Variants in KIAA1671 observed in about 807,000 individuals in gnomAD.
KIAA1671 encodes uncharacterized protein KIAA1671.
KIAA1671 carries 52 observed loss-of-function variants against 131.2 expected under a neutral mutation model. The ratio of observed to expected loss-of-function variants is 0.40; its 90% CI spans 0.32 to 0.50. The LOEUF is 0.50. Among genes scored for constraint, KIAA1671 ranks in the 20% least tolerant of loss-of-function variants. KIAA1671 has a pLI of 0.73. For missense variants in KIAA1671, 2,360 were observed against 2,364.2 expected (o/e 1.00, Z 0.04); for synonymous variants, 1,003 against 961.6 (o/e 1.04, Z -0.80).
intron 6 of KIAA1671, chr22:25,061,340 C>T (rs1032116709): frequency 2.6e-5 from 4 of 152,194 alleles, no homozygotes; most frequent in African/African-American, 9.7e-5. Context: ...CTCCAAGAAG[C>T]CCTCCTGGGT....
At chr22:25,169,762 T>TGC (rs1033625122) in intron 6 of KIAA1671, among the ~76,000 whole-genome samples, 3 of 151,450 alleles carry the variant, frequency 2.0e-5, no homozygotes, top group African/African-American at 7.4e-5. Context: ...GCTCCCTGCG[T>TGC]GCCCTCTCTG....
chr22:24,996,505 C>T (rs1416754604), intron 1 of KIAA1671, among the ~76,000 whole-genome samples: 2 of 152,006 alleles, frequency 1.3e-5, no homozygotes, highest in Non-Finnish European at 2.9e-5. Flanking sequence ...GCCTTAAGTT[C>T]TGTCTTATGT....
rs1934723119 is a variant in KIAA1671, at chr22:25,193,149, G to A, written c.*748G>A. The stretch of plus-strand genomic sequence containing the variant: ...ATATATGTGTTTACGTTAAAGGACA[G>A]GAGGAAAGATGTGCGAATAATTTGT... On this transcript the variant is annotated 3_prime_UTR_variant, in exon 13 of 13. Transcript: ENST00000358431. 6.6e-6 allele frequency: 1 copy of A among 152,170 alleles called. No individual in the cohort carries two copies. The highest frequency in any genetic ancestry group is 1.5e-5 in the Non-Finnish European group (1 of 68,036). The allele number at this position is 152,170 out of a possible 1,614,324, so 9.4% of individuals were successfully genotyped here.
intron 1 of KIAA1671, among the ~76,000 whole-genome samples, chr22:24,978,811 A>G (rs1240064886): frequency 6.7e-6 from 1 of 149,890 alleles, no homozygotes; most frequent in East Asian, 2.0e-4. Flanking sequence ...AGCCTCCTGA[A>G]TAGCTGGGAC....
intron 6 of KIAA1671, among the ~76,000 whole-genome samples, chr22:25,075,606 C>T (rs1929061397): frequency 6.6e-6 from 1 of 151,530 alleles, no homozygotes; most frequent in South Asian, 2.1e-4. Flanking sequence ...ATTCTCCTGC[C>T]TCAGCCTCCC....
intron 6 of KIAA1671, chr22:25,061,735 T>G (rs184903351): frequency 3.5e-4 from 53 of 152,436 alleles, no homozygotes; most frequent in African/African-American, 1.3e-3. Flanking sequence ...CCTACCTGAG[T>G]GCAGATCCCT....
At chr22:24,991,686 C>A (rs1923849826) in intron 1 of KIAA1671, among the ~76,000 whole-genome samples, 1 of 147,390 alleles carries the variant, frequency 6.8e-6, no homozygotes, top group African/African-American at 2.5e-5. Flanking sequence ...TGGTCACGAT[C>A]TCCTGACCTC....
intron 6 of KIAA1671, among the ~76,000 whole-genome samples, chr22:25,145,048 C>G (rs905911836): frequency 3.9e-5 from 6 of 152,208 alleles, no homozygotes; most frequent in Non-Finnish European, 7.3e-5. Context: ...ACATCTTTGT[C>G]CAGGTGCTGT....
intron 1 of KIAA1671, among the ~76,000 whole-genome samples, chr22:25,006,580 A>G (rs1413000809): frequency 6.6e-6 from 1 of 152,084 alleles, no homozygotes; most frequent in African/African-American, 2.4e-5. Context: ...TTCTCTCCCC[A>G]GGCAAGTTAA....
chr22:25,101,996 A>C (rs923760353), intron 6 of KIAA1671, among the ~76,000 whole-genome samples: 4 of 152,108 alleles, frequency 2.6e-5, no homozygotes, highest in Non-Finnish European at 5.9e-5. Context: ...CAGAGGCGGG[A>C]GTATCTAAGC....
chr22:25,110,640 C>T (rs1358476940), intron 6 of KIAA1671, among the ~76,000 whole-genome samples: 1 of 152,206 alleles, frequency 6.6e-6, no homozygotes, highest in African/African-American at 2.4e-5. Context: ...CCCCTTCTAA[C>T]AACCCCTGAC....
chr22:25,008,055 G>A (rs546421597), intron 1 of KIAA1671, among the ~76,000 whole-genome samples: 8 of 151,808 alleles, frequency 5.3e-5, no homozygotes, highest in Non-Finnish European at 1.2e-4. Context: ...AAAATTAGCC[G>A]GGCGTGGTGG....
At chr22:25,155,943 TA>T (rs2145985281) in intron 6 of KIAA1671, among the ~76,000 whole-genome samples, 1 of 134,606 alleles carries the variant, frequency 7.4e-6, no homozygotes, top group South Asian at 2.6e-4. Context: ...TAAATATATA[TA>T]AATACACACA....
At chr22:25,098,472 G>A (rs139742743) in intron 6 of KIAA1671, among the ~76,000 whole-genome samples, 3 of 152,278 alleles carry the variant, frequency 2.0e-5, no homozygotes, top group Middle Eastern at 3.4e-3. Context: ...TAAACAATTA[G>A]GGAAATACCA....
chr22:24,999,235 C>CAGAG (rs35382875), intron 1 of KIAA1671, among the ~76,000 whole-genome samples: 67 of 150,454 alleles, frequency 4.5e-4, no homozygotes, highest in African/African-American at 1.5e-3. Context: ...GTATAGTATA[C>CAGAG]AGAGAGAGAG....
intron 6 of KIAA1671, among the ~76,000 whole-genome samples, chr22:25,146,642 A>G (rs1932883937): frequency 6.6e-6 from 1 of 152,144 alleles, no homozygotes; most frequent in Admixed American, 6.5e-5. Context: ...TTCCCTTTGA[A>G]CTTCAGTTTC....
chr22:25,122,511 G>A (rs756416992), intron 6 of KIAA1671, among the ~76,000 whole-genome samples: 10 of 152,222 alleles, frequency 6.6e-5, no homozygotes, highest in Non-Finnish European at 1.3e-4. Flanking sequence ...CTCTCTGCCT[G>A]TGGGATAGCC....
At chr22:25,065,732 C>G (rs1271671781) in intron 6 of KIAA1671, among the ~76,000 whole-genome samples, 2 of 151,364 alleles carry the variant, frequency 1.3e-5, no homozygotes, top group Non-Finnish European at 2.9e-5. Flanking sequence ...CTCCACCTCC[C>G]GGATTCAAGC....
intron 6 of KIAA1671, among the ~76,000 whole-genome samples, chr22:25,149,568 C>A (rs1484859206): frequency 6.6e-6 from 1 of 152,164 alleles, no homozygotes; most frequent in East Asian, 1.9e-4. Flanking sequence ...AGCCCTTCCT[C>A]CTTGCCCCTC....
Sources: allele counts gnomAD v4.1 joint callset (sites outside exome capture counted in the v4.1 genomes callset), GRCh38; gene constraint gnomAD v4.1.1; transcripts MANE v1.5; gene names NCBI Gene and HGNC (gene_info 2026-07-23, HGNC 2026-07-21).